KIAA1614: variants seen among roughly 807,000 people sequenced by gnomAD.
The protein encoded by KIAA1614 is uncharacterized protein KIAA1614.
Under a neutral mutation model 88.7 loss-of-function variants are expected in KIAA1614, and 76 were observed. That is an observed-to-expected ratio of 0.86 (90% CI 0.71 to 1.04). KIAA1614 has a LOEUF of 1.04. Ranked by LOEUF, KIAA1614 falls within the 50% of genes least tolerant of loss-of-function variation. The pLI, the probability that KIAA1614 is intolerant of heterozygous loss-of-function variation, is 0.00. For synonymous variants in KIAA1614, 714 were observed against 675.5 expected, an observed-to-expected ratio of 1.06 and a Z score of -0.88; for missense variants, 1,553 against 1,582.5, an observed-to-expected ratio of 0.98 and a Z score of 0.32.
chr1:180,933,050 C>CT (rs1271316547), intron 4 of KIAA1614, among the ~76,000 whole-genome samples: 3 of 152,086 alleles, frequency 2.0e-5, no homozygotes, highest in Non-Finnish European at 4.4e-5. Context: ...AGCAGGAGTT[C>CT]TTTTTAAAAA....
rs1430452086 is a variant in KIAA1614 at position 180,945,396 on chromosome 1, C to T, written c.3381C>T (p.Phe1127=). The part of the protein sequence containing the change: ...ARTVGRLVEV[F]PDGTSQLQLQ... ...CCGTGGGCCGCCTGGTGGAGGTGTT[C>T]CCAGACGGCACCAGCCAGCTGCAGC... The change falls in exon 9 of 9, where the codon TTC becomes TTT. Residue 1127 remains phenylalanine (F), a synonymous_variant. Transcript: ENST00000367588. The T allele has an allele frequency of 6.2e-7, 1 of 1,604,354 alleles. No individual in the cohort carries two copies. The highest frequency in any genetic ancestry group is 1.1e-5 in the South Asian group (1 of 89,874).
rs368579083 is a variant in KIAA1614 at position 180,929,521 on chromosome 1, A to G, written c.1205+948A>G. Reference sequence around the variant, plus strand: ...ACTGAAGATTTGGATGTCATCCCTGATTTCATAATGCTACAGCCGTGGTAA... The same window carrying G: ...ACTGAAGATTTGGATGTCATCCCTGGTTTCATAATGCTACAGCCGTGGTAA... On this transcript the variant is annotated intron_variant, in intron 4 of 8. Coordinates refer to ENST00000367588, the MANE Select transcript of KIAA1614 (RefSeq NM_020950.2). Among the ~76,000 whole-genome samples, 5 of 152,176 alleles carry G rather than the reference A, an allele frequency of 3.3e-5. No individual in the cohort carries two copies. In the East Asian group the frequency reaches 7.7e-4, roughly 23 times the overall value.
At chr1:180,940,321 T>C (rs372508271) in intron 6 of KIAA1614, among the ~76,000 whole-genome samples, 7 of 152,240 alleles carry the variant, frequency 4.6e-5, no homozygotes, top group African/African-American at 7.2e-5. Flanking sequence ...GCCAACATGG[T>C]GAAGCCCTGT....
chr1:180,942,448 G>A (rs1654489842), intron 7 of KIAA1614, among the ~76,000 whole-genome samples: 1 of 152,196 alleles, frequency 6.6e-6, no homozygotes, highest in Admixed American at 6.5e-5. Flanking sequence ...CGTCGCTGGC[G>A]CCTTTCATTT....
In KIAA1614 at chr1:180,943,548, ATCT is replaced by A. The variant is rs1021990606; in HGVS notation, c.3160-839_3160-837del. ...GGATTGTAGGATTGAATGGTAGTAG[ATCT>A]TTTTTTTTTTTTTTTGAGACAGGGT... On this transcript the variant is annotated intron_variant, in intron 7 of 8. Coordinates refer to ENST00000367588, the MANE Select transcript of KIAA1614 (RefSeq NM_020950.2). 8.0e-5 allele frequency among the ~76,000 whole-genome samples: 6 copies of A among 74,888 alleles called. 1 individual carries two copies. The highest frequency in any genetic ancestry group is 2.8e-4 in the Admixed American group (2 of 7,092). 49.1% of individuals were successfully genotyped at this position (74,888 alleles called of 152,430 possible).
chr1:180,918,762 A>C (rs1653881062), intron 3 of KIAA1614, among the ~76,000 whole-genome samples: 1 of 151,870 alleles, frequency 6.6e-6, no homozygotes, highest in Non-Finnish European at 1.5e-5. Context: ...CACAAATCCC[A>C]CTCAGTTAGA....
At chr1:180,943,250 C>T (rs1654509984) in intron 7 of KIAA1614, among the ~76,000 whole-genome samples, 1 of 152,102 alleles carries the variant, frequency 6.6e-6, no homozygotes, top group South Asian at 2.1e-4. Context: ...TGGTCTCAAA[C>T]TCCTGACTTC....
At chr1:180,933,965 G>A (rs1426686358) in intron 4 of KIAA1614, among the ~76,000 whole-genome samples, 2 of 120,634 alleles carry the variant, frequency 1.7e-5, no homozygotes, top group African/African-American at 6.1e-5. Context: ...TAGAAACCCT[G>A]ACTTTAAGGC....
chr1:180,936,243 T>G lies in KIAA1614; in HGVS notation c.2334T>G (p.Pro778=). 1.2e-6 allele frequency: 2 copies of G among 1,614,164 alleles called. No homozygotes were observed. The highest frequency in any genetic ancestry group is 1.7e-6 in the Non-Finnish European group (2 of 1,180,006). ...ESHESLEIVS[P]SSLQQSHAEP... The stretch of plus-strand genomic sequence containing the variant: ...ACGAGTCCCTGGAAATTGTCTCTCC[T>G]TCCTCCCTGCAACAGAGCCATGCAG... Residue 778 remains proline (P), a synonymous_variant, in exon 5 of 9, where the codon CCT becomes CCG. Coordinates refer to ENST00000367588, the MANE Select transcript of KIAA1614 (RefSeq NM_020950.2).
At position 180,944,465 on chromosome 1, in the gene KIAA1614, G is replaced by A. The variant is rs767282754; in HGVS notation, c.3236G>A (p.Arg1079Gln). The A allele has an allele frequency of 7.7e-5, 125 of 1,613,834 alleles. No homozygotes were observed. In the Middle Eastern group the frequency reaches 1.2e-3, roughly 15 times the overall value. Residue 1079 changes from arginine to glutamine, a missense_variant, in exon 8 of 9, where the codon CGG (arginine) becomes CAG (glutamine). Arg to Gln is a conservative substitution (Grantham distance 43). Coordinates refer to ENST00000367588, the MANE Select transcript of KIAA1614 (RefSeq NM_020950.2). ...TCTCTGCTGAGCAGCAAGGGGAACC[G>A]GTCCAGCCTCTACCTGGTAGCAGGG... is the stretch of plus-strand genomic sequence containing the variant. ...LHSLLSSKGNRSSLYLVAGPG... is the reference protein window; with the variant it reads ...LHSLLSSKGNQSSLYLVAGPG...
chr1:180,941,827 G>T lies in KIAA1614; in HGVS notation c.3159+542G>T, dbSNP rs577440914. Among the ~76,000 whole-genome samples the T allele has an allele frequency of 1.3e-4, 20 of 152,298 alleles. No individual in the cohort carries two copies. In the South Asian group the frequency reaches 3.9e-3, roughly 30 times the overall value. ...ACTTGGCATGGCCAGAGAGTTTCTG[G>T]GATCTGTCTGCTTTCATCCCTCCTC... On this transcript the variant is annotated intron_variant, in intron 7 of 8. Transcript: ENST00000367588.
chr1:180,945,030 C>CA (rs898365650), intron 8 of KIAA1614: 1 of 472,162 alleles, frequency 2.1e-6, no homozygotes, highest in African/African-American at 2.1e-5. Flanking sequence ...CAGATTCTTA[C>CA]AAAGGTCTCT....
rs751184262 is a variant in KIAA1614, at chr1:180,936,067, G to A, written c.2158G>A (p.Gly720Arg). ...PDLELKRVSL[G>R]PQWQPGPGLG... ...CCTGGAGTTGAAGCGGGTGTCCCTGGGACCCCAGTGGCAGCCTGGACCAGG... is the reference window on the plus strand; with the variant it reads ...CCTGGAGTTGAAGCGGGTGTCCCTGAGACCCCAGTGGCAGCCTGGACCAGG... The change falls in exon 5 of 9, where the codon GGA becomes AGA. Residue 720 changes from glycine (G) to arginine (R), a missense_variant. Gly to Arg is a moderately radical substitution (Grantham distance 125). Transcript: ENST00000367588. 5.8e-5 allele frequency: 93 copies of A among 1,613,938 alleles called. No individual in the cohort carries two copies. The highest frequency in any genetic ancestry group is 7.7e-5 in the Non-Finnish European group (91 of 1,179,990).
rs74869525 is a variant in KIAA1614, at chr1:180,929,540, G to A, written c.1205+967G>A. Among the ~76,000 whole-genome samples, 227 of 152,330 alleles carry A rather than the reference G, an allele frequency of 1.5e-3. 1 individual carries two copies. Among genetic ancestry groups the A allele is most frequent in the African/African-American group, 5.2e-3 (217 of 41,564 alleles). On this transcript the variant is annotated intron_variant, in intron 4 of 8. Transcript: ENST00000367588. ...TCCCTGATTTCATAATGCTACAGCC[G>A]TGGTAAGGTAGGAAAACAACAAGGT...
chr1:180,917,138 C>T, intron 2 of KIAA1614, 38 bp downstream of exon 2: 1 of 1,541,196 alleles, frequency 6.5e-7, no homozygotes, highest in Non-Finnish European at 8.9e-7. Flanking sequence ...GTGGGGGGAG[C>T]AGGAGGGAAT....
At position 180,916,746 on chromosome 1, in the gene KIAA1614, G is replaced by A; in HGVS notation, c.643G>A (p.Gly215Arg). ...CTCTTTGCAACAGAGCCCGATCCATGGAGTTACTCCCGGACGGCCTGGGGG... is the reference window on the plus strand; with the variant it reads ...CTCTTTGCAACAGAGCCCGATCCATAGAGTTACTCCCGGACGGCCTGGGGG... ...PSSLQQSPIH[G>R]VTPGRPGGPG... The change falls in exon 2 of 9, where the codon GGA becomes AGA. Residue 215 changes from glycine (G) to arginine (R), a missense_variant. Physicochemically the swap from Gly to Arg is moderately radical, Grantham distance 125. Transcript: ENST00000367588. 2.5e-6 allele frequency: 4 copies of A among 1,614,198 alleles called. No homozygotes were observed. The highest frequency in any genetic ancestry group is 3.4e-6 in the Non-Finnish European group (4 of 1,180,034).
intron 7 of KIAA1614, among the ~76,000 whole-genome samples, chr1:180,941,751 G>C (rs570982243): frequency 6.6e-6 from 1 of 152,066 alleles, no homozygotes; most frequent in Non-Finnish European, 1.5e-5. Context: ...CCACCCCCTC[G>C]CCGAACATCT....
At chr1:180,943,477 AC>A (rs1292268183) in intron 7 of KIAA1614, among the ~76,000 whole-genome samples, 5 of 150,118 alleles carry the variant, frequency 3.3e-5, no homozygotes, top group African/African-American at 1.2e-4. Context: ...ATGGAACCAA[AC>A]TTTTCTTACA....
At chr1:180,915,024 G>A (rs529777065) in intron 1 of KIAA1614, among the ~76,000 whole-genome samples, 58 of 150,898 alleles carry the variant, frequency 3.8e-4, no homozygotes, top group African/African-American at 1.3e-3. Flanking sequence ...GGCTGGTCTC[G>A]AGCTCCTGAC....
Sources: allele counts gnomAD v4.1 joint callset (sites outside exome capture counted in the v4.1 genomes callset), GRCh38; gene constraint gnomAD v4.1.1; transcripts MANE v1.5; gene names NCBI Gene and HGNC (gene_info 2026-07-23, HGNC 2026-07-21).